Variants in AMOTL1 observed in about 807,000 individuals in gnomAD.
AMOTL1 encodes the protein angiomotin like 1.
AMOTL1 carries 45 observed loss-of-function variants against 102.9 expected under a neutral mutation model. That is an observed-to-expected ratio of 0.44 (90% CI 0.34 to 0.56). The LOEUF is 0.56. AMOTL1 is among the 20% of genes least tolerant of loss of function. The probability of loss-of-function intolerance (pLI) is 0.01; values close to 1 mark genes in which losing one functional copy is unlikely to be tolerated. For synonymous variants in AMOTL1, 481 were observed against 484.7 expected, an observed-to-expected ratio of 0.99 and a Z score of 0.10; for missense variants, 1,114 against 1,225.6, an observed-to-expected ratio of 0.91 and a Z score of 1.36.
intron 3 of AMOTL1, among the ~76,000 whole-genome samples, chr11:94,812,456 A>G (rs1299577775): frequency 6.6e-6 from 1 of 152,160 alleles, no homozygotes; most frequent in African/African-American, 2.4e-5. Context: ...GGGTAAAAGA[A>G]TAGTCGCTTA....
Position 94,707,246 on chromosome 11 carries a change from C to CTGTGTG in AMOTL1, c.-51+650_-51+651insGTGTGT, listed in dbSNP as rs1173917311. On this transcript the variant is annotated intron_variant, in intron 1 of 4. Coordinates refer to the AMOTL1 transcript ENST00000299004. ...TCTCTCTCTCTCTCTCTCTCTCTCT[C>CTGTGTG]TCTCTGTGTGTGTGTGTGTGTGTGT... is the stretch of plus-strand genomic sequence containing the variant. Among the ~76,000 whole-genome samples, 575 of 59,924 alleles carry CTGTGTG rather than the reference C, an allele frequency of 9.6e-3. 5 individuals are homozygous for CTGTGTG. The highest frequency in any genetic ancestry group is 0.014 in the African/African-American group (322 of 23,210). 39.3% of individuals were successfully genotyped at this position (59,924 alleles called of 152,430 possible). A position where few individuals can be genotyped will look rare whatever the true frequency, so the allele number is the denominator to read the frequency against.
chr11:94,753,305 GCTT>G lies in AMOTL1; in HGVS notation c.136+12318_136+12320del, dbSNP rs1174585473. 3.5e-3 allele frequency among the ~76,000 whole-genome samples: 476 copies of G among 137,474 alleles called. 7 individuals are homozygous for G. The highest frequency in any genetic ancestry group is 8.4e-3 in the African/African-American group (306 of 36,510). The allele number at this position is 137,474 out of a possible 152,430, so 90.2% of individuals were successfully genotyped here. A position where few individuals can be genotyped will look rare whatever the true frequency, so the allele number is the denominator to read the frequency against. ...ATTATTCTCATCCTACTGCTTTCCTGCTTTTTTTTTTTTTTTTTTTCCTGTCTT... is the reference window on the plus strand; with the variant it reads ...ATTATTCTCATCCTACTGCTTTCCTGTTTTTTTTTTTTTTTTTCCTGTCTT... On this transcript the variant is annotated intron_variant, in intron 3 of 4. Transcript: ENST00000299004.
rs1952948091 is a variant in AMOTL1, at chr11:94,869,396, G to A, written c.2687G>A (p.Arg896His). Residue 896 changes from arginine (R) to histidine (H), a missense_variant, in exon 12 of 13, where the codon CGC (arginine) becomes CAC (histidine). Physicochemically the swap from Arg to His is conservative, Grantham distance 29. Coordinates refer to ENST00000433060, the MANE Select transcript of AMOTL1 (RefSeq NM_130847.3). ...FWPSMASLPS[R>H]GRLSTTPAHS... is the part of the protein sequence containing the mutation. ...CCCAGCATGGCCTCCCTTCCCAGCC[G>A]CGGCCGGCTGAGCACGACCCCTGCT... is the stretch of plus-strand genomic sequence containing the variant. 8 of 1,605,360 alleles carry A rather than the reference G, an allele frequency of 5.0e-6. No homozygotes were observed. Among genetic ancestry groups the A allele is most frequent in the African/African-American group, 1.3e-5 (1 of 74,786 alleles).
intron 2 of AMOTL1, among the ~76,000 whole-genome samples, chr11:94,740,595 A>G (rs538156353): frequency 1.3e-5 from 2 of 151,044 alleles, no homozygotes; most frequent in South Asian, 4.3e-4. Context: ...CCCGGCAGAC[A>G]GAGCAATGCG....
At chr11:94,807,485 A>C (rs1591986252) in intron 3 of AMOTL1, among the ~76,000 whole-genome samples, 1 of 152,222 alleles carries the variant, frequency 6.6e-6, no homozygotes, top group Admixed American at 6.5e-5. Context: ...AGATAATAAA[A>C]TTTTTTTAAG....
intron 1 of AMOTL1, among the ~76,000 whole-genome samples, chr11:94,793,530 G>C (rs951743682): frequency 6.6e-6 from 1 of 152,164 alleles, no homozygotes; most frequent in Non-Finnish European, 1.5e-5. Flanking sequence ...AGCCAGAATT[G>C]CACCTTGTAC....
At chr11:94,819,483 T>C (rs1951825360) in intron 3 of AMOTL1, among the ~76,000 whole-genome samples, 1 of 152,172 alleles carries the variant, frequency 6.6e-6, no homozygotes, top group Non-Finnish European at 1.5e-5. Flanking sequence ...GTGACTATTC[T>C]TTTACCCTCC....
intron 10 of AMOTL1, 105 bp downstream of exon 10, chr11:94,864,965 G>A (rs1952851031): frequency 3.6e-6 from 5 of 1,404,492 alleles, no homozygotes. Context: ...GTGAGCATGA[G>A]GTCTCCAAAA....
intron 6 of AMOTL1, among the ~76,000 whole-genome samples, chr11:94,835,429 C>G (rs1227015920): frequency 6.6e-6 from 1 of 152,224 alleles, no homozygotes; most frequent in Non-Finnish European, 1.5e-5. Context: ...TGTGTCTTCT[C>G]AGTCACGGAA....
intron 1 of AMOTL1, among the ~76,000 whole-genome samples, chr11:94,776,700 A>G (rs1415140788): frequency 1.3e-5 from 2 of 152,180 alleles, no homozygotes; most frequent in African/African-American, 4.8e-5. Context: ...ATGACCCAGC[A>G]ATGTGACCCC....
At chr11:94,810,861 CACACA>C (rs1951667893) in intron 3 of AMOTL1, among the ~76,000 whole-genome samples, 1 of 151,642 alleles carries the variant, frequency 6.6e-6, no homozygotes, top group Admixed American at 6.6e-5. Context: ...CACACACACA[CACACA>C]CACGCGTACA....
chr11:94,846,817 A>T (rs566900122), intron 6 of AMOTL1, among the ~76,000 whole-genome samples: 1 of 152,056 alleles, frequency 6.6e-6, no homozygotes, highest in African/African-American at 2.4e-5. Context: ...CCTTTTTTTT[A>T]GTGGCATTTT....
At position 94,859,731 on chromosome 11, in the gene AMOTL1, C is replaced by A; in HGVS notation, c.2135+16C>A. ...CAGCTGAGAGGTGAGACCAGTGGAA[C>A]TCTGGTGGTCATAAAAGCACAGTTA... On this transcript the variant is annotated intron_variant, in intron 9 of 12. Transcript: ENST00000433060. 2 of 1,583,826 alleles carry A rather than the reference C, an allele frequency of 1.3e-6. No homozygotes were observed. Among genetic ancestry groups the A allele is most frequent in the South Asian group, 1.2e-5 (1 of 86,896 alleles).
At chr11:94,741,223 T>C (rs1950521592) in intron 3 of AMOTL1, among the ~76,000 whole-genome samples, 1 of 151,652 alleles carries the variant, frequency 6.6e-6, no homozygotes, top group Non-Finnish European at 1.5e-5. Flanking sequence ...TGTGTGTGCG[T>C]GCGTGTGCGT....
chr11:94,796,573 A>G (rs1193651993), intron 2 of AMOTL1, among the ~76,000 whole-genome samples: 1 of 152,130 alleles, frequency 6.6e-6, no homozygotes, highest in African/African-American at 2.4e-5. Context: ...TGGCAAGGAG[A>G]GTTGGAACCC....
chr11:94,852,432 T>G (rs893137835), intron 7 of AMOTL1, among the ~76,000 whole-genome samples: 1 of 152,232 alleles, frequency 6.6e-6, no homozygotes, highest in African/African-American at 2.4e-5. Flanking sequence ...TAAGATTGAA[T>G]ACACCCAGGT....
chr11:94,826,395 C>G (rs1371473306), intron 4 of AMOTL1, among the ~76,000 whole-genome samples: 1 of 152,086 alleles, frequency 6.6e-6, no homozygotes, highest in Non-Finnish European at 1.5e-5. Context: ...TTGTTATAAC[C>G]GAATATCTGA....
chr11:94,824,510 A>T (rs751805464), intron 4 of AMOTL1, among the ~76,000 whole-genome samples: 6 of 152,308 alleles, frequency 3.9e-5, no homozygotes, highest in Non-Finnish European at 8.8e-5. Context: ...CACAAGTTGG[A>T]TAACTGTTCT....
chr11:94,767,682 G>A (rs1000740820), upstream of AMOTL1, among the ~76,000 whole-genome samples: 1 of 152,184 alleles, frequency 6.6e-6, no homozygotes, highest in Non-Finnish European at 1.5e-5. Flanking sequence ...AGGTGGATGA[G>A]TAGTTCTCAG....
Sources: gnomAD v4.1 joint callset for allele counts (sites outside exome capture counted in the v4.1 genomes callset) on GRCh38, gnomAD v4.1.1 for gene constraint, MANE v1.5 for transcripts, NCBI Gene and HGNC (gene_info 2026-07-23, HGNC 2026-07-21) for gene names.